Variants in EHF observed in about 807,000 individuals in gnomAD.
The protein encoded by EHF is ETS homologous factor, also known as ESE3 transcription factor.
EHF carries 14 observed loss-of-function variants against 45.1 expected under a neutral mutation model. The ratio of observed to expected loss-of-function variants is 0.31; its 90% CI spans 0.21 to 0.49. The LOEUF (loss-of-function observed/expected upper bound fraction) is 0.49. EHF is among the 20% of genes least tolerant of loss of function. The pLI is 0.99. For missense variants in EHF, 282 were observed against 371.4 expected (o/e 0.76, Z 1.98); for synonymous variants, 136 against 131.8 (o/e 1.03, Z -0.22).
rs758960350 is a variant in EHF at position 34,658,742 on chromosome 11, T to C, written c.803+14T>C. ...CCGAGCTATGAGGTGAGGAGTTTCA[T>C]GTCTCTGAAAACAAAAAGGCTGTAC... On this transcript the variant is annotated intron_variant, in intron 8 of 8. Coordinates refer to ENST00000257831, the MANE Select transcript of EHF (RefSeq NM_012153.6). 6.2e-7 allele frequency: 1 copy of C among 1,610,140 alleles called. No individual in the cohort carries two copies.
intron 4 of EHF, 67 bp downstream of exon 4, chr11:34,649,148 G>C: frequency 1.9e-6 from 3 of 1,549,838 alleles, no homozygotes; most frequent in Non-Finnish European, 1.8e-6. Context: ...AGTTGGGAGA[G>C]GGCAAGAGAG....
At chr11:34,632,978 C>T (rs570989617) in intron 1 of EHF, among the ~76,000 whole-genome samples, 1 of 152,260 alleles carries the variant, frequency 6.6e-6, no homozygotes, top group African/African-American at 2.4e-5. Flanking sequence ...AGCTGAGAGA[C>T]TAATTGTCTT....
rs1430991737 is a variant in EHF, at chr11:34,662,659, G to A, written c.*3728G>A. Among the ~76,000 whole-genome samples, 1 of 152,052 alleles carries A rather than the reference G, an allele frequency of 6.6e-6. No individual in the cohort carries two copies. Among genetic ancestry groups the A allele is most frequent in the Non-Finnish European group, 1.5e-5 (1 of 67,994 alleles). On this transcript the variant is annotated 3_prime_UTR_variant, in exon 9 of 9. Coordinates refer to ENST00000257831, the MANE Select transcript of EHF (RefSeq NM_012153.6). ...TGTTAGATTTTAGTTTTGCAAGCATGTTGTTTTTCAAATATATCAAGTATA... is the reference window on the plus strand; with the variant it reads ...TGTTAGATTTTAGTTTTGCAAGCATATTGTTTTTCAAATATATCAAGTATA...
intron 1 of EHF, among the ~76,000 whole-genome samples, chr11:34,640,956 G>T (rs996853777): frequency 1.3e-5 from 2 of 152,162 alleles, no homozygotes; most frequent in African/African-American, 4.8e-5. Context: ...GGTATGATTA[G>T]CTGCATTTTG....
chr11:34,639,438 G>A (rs1490974353), intron 1 of EHF, among the ~76,000 whole-genome samples: 1 of 152,182 alleles, frequency 6.6e-6, no homozygotes, highest in Non-Finnish European at 1.5e-5. Context: ...CAATTCTCAA[G>A]TCACATTTGT....
At chr11:34,658,304 G>A (rs1855847683) in intron 7 of EHF, among the ~76,000 whole-genome samples, 1 of 152,124 alleles carries the variant, frequency 6.6e-6, no homozygotes, top group Non-Finnish European at 1.5e-5. Context: ...AGTCACTTAA[G>A]TTCTCTGTGC....
intron 3 of EHF, among the ~76,000 whole-genome samples, chr11:34,647,939 A>G (rs1272405516): frequency 6.6e-6 from 1 of 152,168 alleles, no homozygotes; most frequent in South Asian, 2.1e-4. Flanking sequence ...CCACCCCCCA[A>G]TTAAATCCAC....
chr11:34,656,787 C>A (rs1855713166), intron 6 of EHF, 121 bp from the exon 7 acceptor site: 1 of 1,115,496 alleles, frequency 9.0e-7, no homozygotes, highest in Non-Finnish European at 1.3e-6. Flanking sequence ...CTAGCACATA[C>A]TCAAAGGTGC....
chr11:34,637,849 G>A (rs1356474550), intron 1 of EHF, among the ~76,000 whole-genome samples: 1 of 151,480 alleles, frequency 6.6e-6, no homozygotes, highest in Non-Finnish European at 1.5e-5. Context: ...AAAAGGATAG[G>A]GAAATATATA....
chr11:34,644,648 A>C (rs1275788179), intron 2 of EHF, among the ~76,000 whole-genome samples: 1 of 152,224 alleles, frequency 6.6e-6, no homozygotes, highest in African/African-American at 2.4e-5. Flanking sequence ...ATGGATTCTG[A>C]ATGAATGAGG....
At chr11:34,641,109 C>T (rs1482572561) in intron 1 of EHF, among the ~76,000 whole-genome samples, 1 of 152,132 alleles carries the variant, frequency 6.6e-6, no homozygotes, top group Non-Finnish European at 1.5e-5. Flanking sequence ...ACATATAATC[C>T]AGTCCTCCTA....
At chr11:34,622,254 T>G in intron 1 of EHF, 1 of 278,062 alleles carries the variant, frequency 3.6e-6, no homozygotes, top group Non-Finnish European at 7.1e-6. Flanking sequence ...ATGGTGGGAG[T>G]GTGTGTTTTT....
chr11:34,628,293 T>C (rs998994217), intron 1 of EHF, among the ~76,000 whole-genome samples: 2 of 152,198 alleles, frequency 1.3e-5, no homozygotes, highest in Non-Finnish European at 2.9e-5. Flanking sequence ...CAACATAATA[T>C]GATATCACAC....
intron 1 of EHF, among the ~76,000 whole-genome samples, chr11:34,638,389 C>G (rs1445735381): frequency 1.3e-5 from 2 of 152,162 alleles, no homozygotes; most frequent in African/African-American, 4.8e-5. Flanking sequence ...CTATAGGTAC[C>G]AGGCACTCTG....
chr11:34,642,423 C>T (rs1291090831), intron 1 of EHF: 6 of 490,468 alleles, frequency 1.2e-5, no homozygotes, highest in African/African-American at 7.7e-5. Flanking sequence ...AAAAACTTGC[C>T]TCATGCATAT....
chr11:34,649,791 C>T (rs530457998), intron 4 of EHF, among the ~76,000 whole-genome samples: 5 of 152,178 alleles, frequency 3.3e-5, no homozygotes, highest in Non-Finnish European at 4.4e-5. Context: ...CATGTTCATG[C>T]CTGGGAGCCT....
Position 34,660,174 on chromosome 11 carries a change from A to G in EHF, c.*1243A>G, listed in dbSNP as rs1855997113. The stretch of plus-strand genomic sequence containing the variant: ...AATAGCTAGAGGAGCTTCTTTTCAG[A>G]ACCCCAGATGAGAGCCAATGTCAGA... On this transcript the variant is annotated 3_prime_UTR_variant, in exon 9 of 9. Coordinates refer to ENST00000257831, the MANE Select transcript of EHF (RefSeq NM_012153.6). The G allele has an allele frequency of 6.6e-6, 1 of 152,182 alleles. No homozygotes were observed. The highest frequency in any genetic ancestry group is 1.5e-5 in the Non-Finnish European group (1 of 68,020). The allele number at this position is 152,182 out of a possible 1,614,324, so 9.4% of individuals were successfully genotyped here.
chr11:34,633,891 A>G lies in EHF; in HGVS notation c.-3-8737A>G, dbSNP rs190168840. On this transcript the variant is annotated intron_variant, in intron 1 of 8. Transcript: ENST00000257831. ...ACTGATAAAGATCAGCATACTATGT[A>G]TATTTCCAAATGGCTTACAGTCAAT... Among the ~76,000 whole-genome samples, 6 of 152,286 alleles carry G rather than the reference A, an allele frequency of 3.9e-5. 1 individual carries two copies. The highest frequency in any genetic ancestry group is 6.5e-5 in the Admixed American group (1 of 15,298).
intron 2 of EHF, among the ~76,000 whole-genome samples, chr11:34,645,319 C>A (rs1854405200): frequency 1.3e-5 from 2 of 152,158 alleles, no homozygotes; most frequent in South Asian, 2.1e-4. Context: ...TCATTGGCAT[C>A]TGAATGTACC....
Sources: gnomAD v4.1 joint callset for allele counts (sites outside exome capture counted in the v4.1 genomes callset) on GRCh38, gnomAD v4.1.1 for gene constraint, MANE v1.5 for transcripts, NCBI Gene and HGNC (gene_info 2026-07-23, HGNC 2026-07-21) for gene names.